CARS2: variants seen among roughly 807,000 people sequenced by gnomAD.
CARS2 encodes cysteinyl-tRNA synthetase 2, mitochondrial, also known as probable cysteine--tRNA ligase, mitochondrial.
A neutral mutation model predicts 68.8 loss-of-function variants in CARS2; 52 were observed. That is an observed-to-expected ratio of 0.76 (90% confidence interval 0.61 to 0.95). CARS2 has a LOEUF of 0.95. CARS2 is among the 40% of genes least tolerant of loss of function. CARS2 has a pLI of 0.00. For missense variants in CARS2, 780 were observed against 754.2 expected, an observed-to-expected ratio of 1.03 and a Z score of -0.40; for synonymous variants, 314 against 303.6, an observed-to-expected ratio of 1.03 and a Z score of -0.36.
intron 9 of CARS2, among the ~76,000 whole-genome samples, chr13:110,654,617 C>T (rs1296162903): frequency 2.0e-5 from 3 of 151,632 alleles, no homozygotes; most frequent in Non-Finnish European, 4.4e-5. Context: ...CCATTCTTCA[C>T]AAATTAACAA....
At chr13:110,680,408 A>C (rs2063126807) in intron 6 of CARS2, among the ~76,000 whole-genome samples, 1 of 152,130 alleles carries the variant, frequency 6.6e-6, no homozygotes, top group Non-Finnish European at 1.5e-5. Flanking sequence ...ACAAACAAAC[A>C]AACAAACAAA....
intron 8 of CARS2, chr13:110,664,530 T>C: frequency 1.1e-6 from 1 of 878,300 alleles, no homozygotes; most frequent in Non-Finnish European, 1.4e-6. Context: ...AATAAATAAA[T>C]AAATACACCA....
chr13:110,688,127 C>T (rs2063358233), intron 3 of CARS2, 109 bp from the exon 4 acceptor site: 2 of 642,530 alleles, frequency 3.1e-6, no homozygotes, highest in Non-Finnish European at 5.3e-6. Flanking sequence ...ATACCCCGGC[C>T]ACCTCCGGTG....
At chr13:110,687,049 G>A (rs568713532) in intron 5 of CARS2, among the ~76,000 whole-genome samples, 1 of 152,258 alleles carries the variant, frequency 6.6e-6, no homozygotes, top group South Asian at 2.1e-4. Flanking sequence ...TAAGAAGAGA[G>A]CAGGTCTCTG....
At chr13:110,704,859 C>G (rs149702757) in intron 2 of CARS2, among the ~76,000 whole-genome samples, 4 of 151,936 alleles carry the variant, frequency 2.6e-5, no homozygotes, top group Non-Finnish European at 2.9e-5. Context: ...TGGAAATGTA[C>G]AAAATATTAG....
At chr13:110,647,653 T>C (rs421491) in intron 10 of CARS2, among the ~76,000 whole-genome samples, 14,282 of 111,476 alleles carry the variant, frequency 0.13, 934 homozygotes, top group African/African-American at 0.27. Context: ...GGGAAGGCCC[T>C]CCCGAGGGAA....
chr13:110,662,317 C>G (rs548401630), intron 9 of CARS2, among the ~76,000 whole-genome samples: 30,377 of 148,286 alleles, frequency 0.2, 3,511 homozygotes, highest in Admixed American at 0.3. Context: ...CCATGGCCGG[C>G]TTCGGACCCC....
At chr13:110,682,612 C>T (rs999596892) in intron 6 of CARS2, among the ~76,000 whole-genome samples, 1 of 152,100 alleles carries the variant, frequency 6.6e-6, no homozygotes, top group Admixed American at 6.5e-5. Context: ...AATGTTTTGA[C>T]CTAATAACTC....
intron 3 of CARS2, among the ~76,000 whole-genome samples, chr13:110,700,220 G>A (rs2063743989): frequency 6.6e-6 from 1 of 152,230 alleles, no homozygotes; most frequent in Non-Finnish European, 1.5e-5. Context: ...TCAAGGACAT[G>A]AGACAGGGAA....
At chr13:110,687,466 G>C (rs985647548) in intron 5 of CARS2, among the ~76,000 whole-genome samples, 1 of 152,074 alleles carries the variant, frequency 6.6e-6, no homozygotes, top group Non-Finnish European at 1.5e-5. Flanking sequence ...TCAGGAGTTT[G>C]AGACCAGCTT....
At chr13:110,674,210 CTTTAAAGTTCATATGG>C (rs1270743626) in intron 7 of CARS2, among the ~76,000 whole-genome samples, 1 of 152,152 alleles carries the variant, frequency 6.6e-6, no homozygotes, top group Non-Finnish European at 1.5e-5. Context: ...GAAAAAACTA[CTTTAAAGTTCATATGG>C]TTTAAAGTTC....
At chr13:110,645,413 C>T (rs2765345) in intron 12 of CARS2, 1 of 152,364 alleles carries the variant, frequency 6.6e-6, no homozygotes, top group East Asian at 1.9e-4. Flanking sequence ...CATCAAAGGT[C>T]ACGGGGCTCC....
At chr13:110,679,585 A>AAGAGAGAGAGAG (rs1477355190) in intron 6 of CARS2, among the ~76,000 whole-genome samples, 3 of 11,318 alleles carry the variant, frequency 2.7e-4, no homozygotes, top group Non-Finnish European at 1.4e-3. Flanking sequence ...GAAAGAAAGA[A>AAGAGAGAGAGAG]AGAAAGAAAG....
rs908304346 is a variant in CARS2, at chr13:110,668,403, G to A, written c.786-930C>T. Among the ~76,000 whole-genome samples the A allele has an allele frequency of 2.0e-5, 3 of 152,128 alleles. No homozygotes were observed. Among genetic ancestry groups the A allele is most frequent in the East Asian group, 1.9e-4 (1 of 5,184 alleles). On this transcript the variant is annotated intron_variant, in intron 7 of 14. Coordinates refer to ENST00000257347, the MANE Select transcript of CARS2 (RefSeq NM_024537.4). This position sits in a 1 kb window ranked among gnomAD's most constrained non-coding sequence, Gnocchi z 4.1. ...CTAAAATACAAAAAATCAGCCGGGC[G>A]TGGTGGCGGGTGCCTGTAGTCCCAG...
At chr13:110,644,063 A>G (rs1887765819) in intron 13 of CARS2, 2 of 1,273,090 alleles carry the variant, frequency 1.6e-6, no homozygotes, top group Non-Finnish European at 2.0e-6. Context: ...ATGTTCTCTT[A>G]CTGTGCCTGT....
In CARS2 at chr13:110,677,530, A is replaced by G. The variant is rs113152490; in HGVS notation, c.656-427T>C. On this transcript the variant is annotated intron_variant, in intron 6 of 14. Coordinates refer to ENST00000257347, the MANE Select transcript of CARS2 (RefSeq NM_024537.4). Reference sequence around the variant, plus strand: ...CCAGGGAGACCCAGACAATCACACCACAGAAACTCAGACAGCCACCCCGCC... The same window carrying G: ...CCAGGGAGACCCAGACAATCACACCGCAGAAACTCAGACAGCCACCCCGCC... Among the ~76,000 whole-genome samples, 828 of 112,508 alleles carry G rather than the reference A, an allele frequency of 7.4e-3. 9 individuals carry two copies. The highest frequency in any genetic ancestry group is 0.012 in the Non-Finnish European group (643 of 54,986). 73.8% of individuals were successfully genotyped at this position (112,508 alleles called of 152,430 possible).
Position 110,705,840 on chromosome 13 carries a change from C to T in CARS2, c.224+30G>A, listed in dbSNP as rs1409534306. On this transcript the variant is annotated intron_variant, in intron 1 of 14. Transcript: ENST00000257347. The surrounding 1 kb of genome is among the most constrained non-coding windows in gnomAD (Gnocchi z 4.0). ...GGGAAGTCTCCGCCACGATCGGCCC[C>T]CGCCCGTGCCCCAGTCCCGCGCGGC... is the stretch of plus-strand genomic sequence containing the variant. The T allele has an allele frequency of 1.4e-5, 22 of 1,537,228 alleles. No individual in the cohort carries two copies. The highest frequency in any genetic ancestry group is 1.9e-5 in the Non-Finnish European group (22 of 1,143,708).
chr13:110,666,409 T>C, intron 8 of CARS2: 1 of 985,400 alleles, frequency 1.0e-6, no homozygotes, highest in Non-Finnish European at 1.2e-6. Context: ...TTCTGCTTCA[T>C]TTTTAGACAA....
Position 110,644,452 on chromosome 13 carries a change from AAC to A in CARS2, c.1347_1348del (p.Phe450TrpfsTer8). The stretch of plus-strand genomic sequence containing the variant: ...TTCAAAGTAAGAGATGATGGCACCA[AAC>A]ACAGCAGGACTTCTCGGCCCTTCAG... On this transcript the variant is annotated frameshift_variant, in exon 13 of 15. Transcript: ENST00000257347. LOFTEE classifies it high-confidence loss of function. 1.2e-6 allele frequency: 2 copies of A among 1,614,122 alleles called. No homozygotes were observed.
Sources: gnomAD v4.1 joint callset for allele counts (sites outside exome capture counted in the v4.1 genomes callset) on GRCh38, gnomAD v4.1.1 for gene constraint, Gnocchi (gnomAD v3.1) non-coding constraint, MANE v1.5 for transcripts, NCBI Gene and HGNC (gene_info 2026-07-23, HGNC 2026-07-21) for gene names.